Variants in CHCHD5 observed in about 807,000 individuals in gnomAD.
CHCHD5 encodes coiled-coil-helix-coiled-coil-helix domain containing 5, also known as coiled-coil-helix-coiled-coil-helix domain-containing protein 5.
Under a neutral mutation model 16.0 loss-of-function variants are expected in CHCHD5, and 10 were observed. That is an observed-to-expected ratio of 0.63 (90% CI 0.39 to 1.06). The LOEUF is 1.06. Ranked by LOEUF, CHCHD5 falls within the 50% of genes least tolerant of loss-of-function variation. CHCHD5 has a pLI of 0.01. For synonymous variants in CHCHD5, 55 were observed against 56.3 expected (o/e 0.98, Z 0.10); for missense variants, 163 against 153.4 (o/e 1.06, Z -0.33).
In CHCHD5 at chr2:112,586,297, G is replaced by A; in HGVS notation, c.241G>A (p.Glu81Lys). The change falls in exon 3 of 4, where the codon GAG becomes AAG. Residue 81 changes from glutamate (E) to lysine (K), a missense_variant. Glu to Lys is a moderately conservative substitution (Grantham distance 56). Coordinates refer to ENST00000324913, the MANE Select transcript of CHCHD5 (RefSeq NM_032309.4). ...QNEAAVGNCAEHMRRFLQCAE... is the reference protein window; with the variant it reads ...QNEAAVGNCAKHMRRFLQCAE... The stretch of plus-strand genomic sequence containing the variant: ...CGAGGCAGCTGTGGGCAACTGTGCA[G>A]AGCATATGCGCCGCTTCCTGCAGTG... 6.2e-7 allele frequency: 1 copy of A among 1,614,272 alleles called. No homozygotes were observed. Among genetic ancestry groups the A allele is most frequent in the Non-Finnish European group, 8.5e-7 (1 of 1,180,052 alleles).
At chr2:112,586,681 C>A (rs1006125744) in intron 3 of CHCHD5, 1 of 1,293,082 alleles carries the variant, frequency 7.7e-7, no homozygotes, top group Non-Finnish European at 1.0e-6. Context: ...TCTCATCACA[C>A]CTATGCTTAA....
At chr2:112,588,524 C>G (rs374567636) in intron 3 of CHCHD5, 2 of 294,792 alleles carry the variant, frequency 6.8e-6, no homozygotes, top group African/African-American at 4.4e-5. Flanking sequence ...CCCTCCCATT[C>G]CGCACACACC....
intron 1 of CHCHD5, chr2:112,584,974 A>C: frequency 2.0e-5 from 9 of 440,828 alleles, no homozygotes; most frequent in East Asian, 3.7e-5. Flanking sequence ...GACCTCTATG[A>C]CTCCTACACC....
chr2:112,588,062 G>C (rs1193352653), intron 3 of CHCHD5: 3 of 152,224 alleles, frequency 2.0e-5, no homozygotes, highest in African/African-American at 7.2e-5. Flanking sequence ...GGCCGAGGTG[G>C]GTGGATCACC....
chr2:112,586,724 C>A (rs2104604450), intron 3 of CHCHD5: 2 of 936,988 alleles, frequency 2.1e-6, no homozygotes, highest in Non-Finnish European at 3.1e-6. Context: ...ACATTGAGAA[C>A]AAAAGTCCAG....
chr2:112,585,619 C>A (rs775807479), intron 1 of CHCHD5, among the ~76,000 whole-genome samples: 2 of 152,200 alleles, frequency 1.3e-5, no homozygotes, highest in African/African-American at 4.8e-5. Flanking sequence ...CCTTTCTTTG[C>A]GGAGCACCAT....
chr2:112,588,849 A>T lies in CHCHD5; in HGVS notation c.310-17A>T. The T allele has an allele frequency of 6.2e-7, 1 of 1,607,590 alleles. No individual in the cohort carries two copies. Among genetic ancestry groups the T allele is most frequent in the Non-Finnish European group, 8.5e-7 (1 of 1,174,592 alleles). On this transcript the variant is annotated splice_polypyrimidine_tract_variant and intron_variant, in intron 3 of 3. Transcript: ENST00000324913. ...ACAGAGGAGGTGCTACTAGATGTTG[A>T]TGTACTTTCTCCACAGGCACAGCCA... is the stretch of plus-strand genomic sequence containing the variant.
Position 112,589,025 on chromosome 2 carries a change from G to A in CHCHD5, c.*136G>A. The A allele has an allele frequency of 1.5e-5, 10 of 673,324 alleles. No individual in the cohort carries two copies. The South Asian group carries it at 1.6e-4, about 11-fold the overall frequency. The allele number at this position is 673,324 out of a possible 1,614,324, so 41.7% of individuals were successfully genotyped here. On this transcript the variant is annotated 3_prime_UTR_variant, in exon 4 of 4. Coordinates refer to ENST00000324913, the MANE Select transcript of CHCHD5 (RefSeq NM_032309.4). Reference sequence around the variant, plus strand: ...GATATCAGGACTTCCAATAAATAAAGACTCTGTATACTGGGCTTTGATTCC... The same window carrying A: ...GATATCAGGACTTCCAATAAATAAAAACTCTGTATACTGGGCTTTGATTCC...
At chr2:112,588,291 C>CA (rs1190688640) in intron 3 of CHCHD5, 1,570 of 97,736 alleles carry the variant, frequency 0.016, 15 homozygotes, top group African/African-American at 0.037. Flanking sequence ...CTCTGTCTTC[C>CA]AAAAAAAAAA....
In CHCHD5 at chr2:112,584,871, A is replaced by T. The variant is rs374944383; in HGVS notation, c.2+222A>T. Reference sequence around the variant, plus strand: ...CTCGCCCCCTCTCGCGCTGCTTAGGACTTCGGTCCAGTCACTCTTCACCCA... The same window carrying T: ...CTCGCCCCCTCTCGCGCTGCTTAGGTCTTCGGTCCAGTCACTCTTCACCCA... On this transcript the variant is annotated intron_variant, in intron 1 of 3. Transcript: ENST00000324913. 1,677 of 593,998 alleles carry T rather than the reference A, an allele frequency of 2.8e-3. 47 individuals carry two copies. In the South Asian group the frequency reaches 0.033, roughly 12 times the overall value. The allele number at this position is 593,998 out of a possible 1,614,324, so 36.8% of individuals were successfully genotyped here. A position where few individuals can be genotyped will look rare whatever the true frequency, so the allele number is the denominator to read the frequency against.
rs765834895 is a variant in CHCHD5, at chr2:112,586,372, G to C, written c.309+7G>C. The C allele has an allele frequency of 2.5e-6, 4 of 1,614,090 alleles. No individual in the cohort carries two copies. In the South Asian group the frequency reaches 4.4e-5, roughly 18 times the overall value. ...CTCACCTGCAACTGTGGAGGTAAGAGGGGCTCACCTCAGTTCATCTCTTTT... is the reference window on the plus strand; with the variant it reads ...CTCACCTGCAACTGTGGAGGTAAGACGGGCTCACCTCAGTTCATCTCTTTT... On this transcript the variant is annotated splice_region_variant and intron_variant, in intron 3 of 3. Transcript: ENST00000324913.
Position 112,588,938 on chromosome 2 carries a change from C to G in CHCHD5, c.*49C>G. On this transcript the variant is annotated 3_prime_UTR_variant, in exon 4 of 4. Coordinates refer to ENST00000324913, the MANE Select transcript of CHCHD5 (RefSeq NM_032309.4). ...CTGGACATGAATGACTGCCCCCACGCCCCTCCCCTGCAGAGTGGCCAGATG... is the reference window on the plus strand; with the variant it reads ...CTGGACATGAATGACTGCCCCCACGGCCCTCCCCTGCAGAGTGGCCAGATG... 1 of 1,447,716 alleles carries G rather than the reference C, an allele frequency of 6.9e-7. No individual in the cohort carries two copies. The highest frequency in any genetic ancestry group is 1.1e-5 in the South Asian group (1 of 86,990). 89.7% of individuals were successfully genotyped at this position (1,447,716 alleles called of 1,614,324 possible).
In CHCHD5 at chr2:112,586,461, C is replaced by T. The variant is rs575928894; in HGVS notation, c.309+96C>T. 6.4e-4 allele frequency: 1,007 copies of T among 1,577,254 alleles called. 3 individuals are homozygous for T. The highest frequency in any genetic ancestry group is 6.7e-4 in the Non-Finnish European group (781 of 1,161,054). ...TAAAGACTTTGGAGTCATCCTCAGC[C>T]CCACCCCATCACCACACAGGCCTTT... On this transcript the variant is annotated intron_variant, in intron 3 of 3. Transcript: ENST00000324913.
chr2:112,586,132 T>C lies in CHCHD5; in HGVS notation c.143+18T>C, dbSNP rs766038997. 21 of 1,612,900 alleles carry C rather than the reference T, an allele frequency of 1.3e-5. No individual in the cohort carries two copies. The highest frequency in any genetic ancestry group is 1.8e-5 in the Non-Finnish European group (21 of 1,179,160). On this transcript the variant is annotated intron_variant, in intron 2 of 3. Transcript: ENST00000324913. Reference sequence around the variant, plus strand: ...TCCTCCCAGTGAGTGCGGGCAAGTATGAGACAGTGTGGGGGGTGGGCAGTG... The same window carrying C: ...TCCTCCCAGTGAGTGCGGGCAAGTACGAGACAGTGTGGGGGGTGGGCAGTG...
intron 1 of CHCHD5, chr2:112,584,872 C>T (rs1201161230): frequency 3.4e-6 from 2 of 594,898 alleles, no homozygotes; most frequent in Non-Finnish European, 3.0e-6. Flanking sequence ...CTGCTTAGGA[C>T]TTCGGTCCAG....
intron 2 of CHCHD5, 37 bp downstream of exon 2, chr2:112,586,151 G>A (rs376967395): frequency 6.2e-7 from 1 of 1,610,344 alleles, no homozygotes; most frequent in Non-Finnish European, 8.5e-7. Context: ...GTGGGGGGTG[G>A]GCAGTGGGGT....
chr2:112,586,145 G>A, intron 2 of CHCHD5, 31 bp downstream of exon 2: 1 of 1,611,512 alleles, frequency 6.2e-7, no homozygotes, highest in Non-Finnish European at 8.5e-7. Context: ...GACAGTGTGG[G>A]GGGTGGGCAG....
intron 3 of CHCHD5, chr2:112,587,428 C>T (rs1685256392): frequency 6.6e-6 from 1 of 152,298 alleles, no homozygotes; most frequent in African/African-American, 2.4e-5. Context: ...CACGTCTCCG[C>T]TGCTTTTGTC....
chr2:112,588,962 T>C lies in CHCHD5; in HGVS notation c.*73T>C, dbSNP rs910237031. The C allele has an allele frequency of 9.5e-6, 11 of 1,155,490 alleles. No individual in the cohort carries two copies. In the African/African-American group the frequency reaches 1.5e-4, roughly 16 times the overall value. The allele number at this position is 1,155,490 out of a possible 1,614,324, so 71.6% of individuals were successfully genotyped here. On this transcript the variant is annotated 3_prime_UTR_variant, in exon 4 of 4. Coordinates refer to ENST00000324913, the MANE Select transcript of CHCHD5 (RefSeq NM_032309.4). ...GCCCCTCCCCTGCAGAGTGGCCAGATGGAGTCCTGAGCCCTGGACATGGGC... is the reference window on the plus strand; with the variant it reads ...GCCCCTCCCCTGCAGAGTGGCCAGACGGAGTCCTGAGCCCTGGACATGGGC...
Sources: gnomAD v4.1 joint callset for allele counts (sites outside exome capture counted in the v4.1 genomes callset) on GRCh38, gnomAD v4.1.1 for gene constraint, MANE v1.5 for transcripts, NCBI Gene and HGNC (gene_info 2026-07-23, HGNC 2026-07-21) for gene names.